GALNTL6: variants seen among roughly 807,000 people sequenced by gnomAD.
GALNTL6 encodes polypeptide N-acetylgalactosaminyltransferase like 6.
Under a neutral mutation model 73.7 loss-of-function variants are expected in GALNTL6, and 46 were observed. The ratio of observed to expected loss-of-function variants is 0.62; its 90% confidence interval spans 0.49 to 0.80. The LOEUF (loss-of-function observed/expected upper bound fraction) is 0.80. Among genes scored for constraint, GALNTL6 ranks in the 30% least tolerant of loss-of-function variants. The pLI, the probability that GALNTL6 is intolerant of heterozygous loss-of-function variation, is 0.00. For synonymous variants in GALNTL6, 259 were observed against 263.7 expected, an observed-to-expected ratio of 0.98 and a Z score of 0.17; for missense variants, 604 against 755.0, an observed-to-expected ratio of 0.80 and a Z score of 2.34.
intron 5 of GALNTL6, among the ~76,000 whole-genome samples, chr4:172,527,365 T>C (rs567437902): frequency 6.6e-6 from 1 of 152,320 alleles, no homozygotes; most frequent in South Asian, 2.1e-4. Flanking sequence ...CACCAACATA[T>C]TGACCAGTTT....
intron 10 of GALNTL6, among the ~76,000 whole-genome samples, chr4:172,993,935 A>G (rs1437291358): frequency 6.6e-6 from 1 of 152,132 alleles, no homozygotes; most frequent in African/African-American, 2.4e-5. Flanking sequence ...AAACAAACAA[A>G]CAAAAAAAAT....
At chr4:172,725,504 G>C (rs887101646) in intron 5 of GALNTL6, among the ~76,000 whole-genome samples, 1 of 152,174 alleles carries the variant, frequency 6.6e-6, no homozygotes, top group Middle Eastern at 3.2e-3. Flanking sequence ...TAACTGGAGA[G>C]ACTCTTTATC....
chr4:172,558,852 T>A (rs938920876), intron 5 of GALNTL6, among the ~76,000 whole-genome samples: 10 of 152,034 alleles, frequency 6.6e-5, no homozygotes, highest in African/African-American at 2.4e-4. Context: ...CTATTTCACA[T>A]CTTTGGGTTC....
intron 5 of GALNTL6, among the ~76,000 whole-genome samples, chr4:172,594,144 A>C (rs1737760463): frequency 6.6e-6 from 1 of 152,240 alleles, no homozygotes; most frequent in South Asian, 2.1e-4. Flanking sequence ...CAGGAGTTCA[A>C]GATCAGCCTG....
At chr4:172,440,146 G>A (rs1049256739) in intron 5 of GALNTL6, among the ~76,000 whole-genome samples, 5 of 152,048 alleles carry the variant, frequency 3.3e-5, no homozygotes, top group African/African-American at 4.8e-5. Context: ...CTTGGTATTT[G>A]CCCAAAGGAG....
intron 5 of GALNTL6, among the ~76,000 whole-genome samples, chr4:172,378,447 T>A (rs1423506201): frequency 2.0e-5 from 3 of 152,238 alleles, no homozygotes; most frequent in Non-Finnish European, 2.9e-5. Flanking sequence ...ACAAAATTAA[T>A]GTTAATTAAT....
chr4:171,953,225 CGTGTGTGT>C (rs36214606), intron 2 of GALNTL6, among the ~76,000 whole-genome samples: 4,964 of 147,094 alleles, frequency 0.034, 109 homozygotes, highest in African/African-American at 0.064. Context: ...CGCATGCGCA[CGTGTGTGT>C]GTGTGTGTGT....
intron 5 of GALNTL6, among the ~76,000 whole-genome samples, chr4:172,624,463 C>T (rs895733055): frequency 1.3e-5 from 2 of 151,784 alleles, no homozygotes; most frequent in African/African-American, 4.8e-5. Context: ...GAGCAACCAG[C>T]GTACAGGTAG....
chr4:172,040,633 G>C (rs1427717969), intron 2 of GALNTL6, among the ~76,000 whole-genome samples: 1 of 151,956 alleles, frequency 6.6e-6, no homozygotes, highest in Non-Finnish European at 1.5e-5. Context: ...ACATCATTTT[G>C]ATTAATTCTT....
At chr4:172,372,018 C>A (rs926900788) in intron 5 of GALNTL6, among the ~76,000 whole-genome samples, 2 of 152,128 alleles carry the variant, frequency 1.3e-5, no homozygotes, top group South Asian at 4.1e-4. Context: ...TTCCCTTTCC[C>A]AGTTCTAAGG....
At chr4:171,903,554 G>A (rs1266787652) in intron 2 of GALNTL6, among the ~76,000 whole-genome samples, 2 of 149,088 alleles carry the variant, frequency 1.3e-5, no homozygotes, top group Non-Finnish European at 1.5e-5. Context: ...CAAGGCGGCA[G>A]CGAGGCTGGG....
Position 173,039,992 on chromosome 4 carries a change from G to T in GALNTL6, c.1698G>T (p.Lys566Asn), listed in dbSNP as rs374284508. The T allele has an allele frequency of 6.2e-7, 1 of 1,613,936 alleles. No homozygotes were observed. Among genetic ancestry groups the T allele is most frequent in the Non-Finnish European group, 8.5e-7 (1 of 1,179,818 alleles). Reference protein sequence around the residue: ...NSCMDCNPAEKKIFMARCDPL... With the variant: ...NSCMDCNPAENKIFMARCDPL... Reference sequence around the variant, plus strand: ...GCATGGATTGCAACCCCGCAGAGAAGAAGATTTTCATGGCCAGATGTGACC... The same window carrying T: ...GCATGGATTGCAACCCCGCAGAGAATAAGATTTTCATGGCCAGATGTGACC... The change falls in exon 13 of 13, where the codon AAG (lysine) becomes AAT (asparagine). Residue 566 changes from lysine (K) to asparagine (N), a missense_variant. Lys to Asn is a moderately conservative substitution (Grantham distance 94). This residue lies in a region of GALNTL6 where 261 missense variants were observed against 296.5 expected (regional missense o/e 0.88). Coordinates refer to ENST00000506823, the MANE Select transcript of GALNTL6 (RefSeq NM_001034845.3).
chr4:172,261,513 T>C (rs1299062476), intron 3 of GALNTL6, among the ~76,000 whole-genome samples: 2 of 151,590 alleles, frequency 1.3e-5, no homozygotes, highest in Admixed American at 1.3e-4. Context: ...TTGGTTAATC[T>C]CACTAATGTT....
At chr4:172,966,906 C>T (rs1425089554) in intron 10 of GALNTL6, among the ~76,000 whole-genome samples, 3 of 152,188 alleles carry the variant, frequency 2.0e-5, no homozygotes, top group Admixed American at 2.0e-4. Flanking sequence ...GGTAAGTTGT[C>T]TCTTACATTC....
Position 172,642,597 on chromosome 4 carries a change from G to A in GALNTL6, c.554-166764G>A, listed in dbSNP as rs1271660210. 2.6e-5 allele frequency among the ~76,000 whole-genome samples: 4 copies of A among 151,896 alleles called. No individual in the cohort carries two copies. The South Asian group carries it at 8.3e-4, about 32-fold the overall frequency. ...GGAGACAGGGAGAGATGTGATCATT[G>A]AATACAAAATTTCAGTTAGGAGGAA... On this transcript the variant is annotated intron_variant, in intron 5 of 12. Transcript: ENST00000506823.
intron 5 of GALNTL6, among the ~76,000 whole-genome samples, chr4:172,460,874 C>A (rs1359105794): frequency 6.6e-6 from 1 of 152,122 alleles, no homozygotes; most frequent in Admixed American, 6.5e-5. Flanking sequence ...TGGGTATATA[C>A]CCAAAGGATT....
At chr4:172,322,264 CT>C (rs1259143364) in intron 4 of GALNTL6, among the ~76,000 whole-genome samples, 1 of 152,124 alleles carries the variant, frequency 6.6e-6, no homozygotes, top group Non-Finnish European at 1.5e-5. Context: ...TGCTCTAAAA[CT>C]TTTTAATGAA....
intron 2 of GALNTL6, among the ~76,000 whole-genome samples, chr4:172,106,405 G>A (rs1026345374): frequency 1.5e-4 from 23 of 152,082 alleles, no homozygotes; most frequent in Admixed American, 2.6e-4. Context: ...TAGGTATTAT[G>A]TATTTCTGAA....
intron 2 of GALNTL6, among the ~76,000 whole-genome samples, chr4:172,173,646 T>C (rs970813308): frequency 6.6e-6 from 1 of 152,258 alleles, no homozygotes; most frequent in Non-Finnish European, 1.5e-5. Context: ...GCTGTATTTG[T>C]TGGCTAATTG....
Sources: gnomAD v4.1 joint callset for allele counts (sites outside exome capture counted in the v4.1 genomes callset) on GRCh38, gnomAD v4.1.1 for gene constraint, gnomAD v4.1.1 regional missense constraint, MANE v1.5 for transcripts, NCBI Gene and HGNC (gene_info 2026-07-23, HGNC 2026-07-21) for gene names.